The following ZNF438 variants were observed in gnomAD, a reference collection of about 807,000 sequenced individuals.
ZNF438 encodes zinc finger protein 438.
A neutral mutation model predicts 38.0 loss-of-function variants in ZNF438; 25 were observed. The ratio of observed to expected loss-of-function variants is 0.66; its 90% CI spans 0.48 to 0.92. The LOEUF (loss-of-function observed/expected upper bound fraction) is 0.92, where lower values mean the gene tolerates loss of function less well. Among genes scored for constraint, ZNF438 ranks in the 40% least tolerant of loss-of-function variants. The pLI is 0.00. For synonymous variants in ZNF438, 372 were observed against 364.1 expected (o/e 1.02, Z -0.25); for missense variants, 1,007 against 999.6 (o/e 1.01, Z -0.10).
Position 30,966,486 on chromosome 10 carries a change from C to T in ZNF438, c.-191-24835G>A, listed in dbSNP as rs534536468. 1.7e-4 allele frequency among the ~76,000 whole-genome samples: 26 copies of T among 151,918 alleles called. No homozygotes were observed. In the South Asian group the frequency reaches 2.5e-3, roughly 15 times the overall value. ...GGGCTCAAGACCATCCTGGCTAACA[C>T]GGTGAAACCCTGTCTCCACTAAAAA... On this transcript the variant is annotated intron_variant, in intron 1 of 5. Transcript: ENST00000413025.
chr10:30,990,866 T>C (rs2053414527), intron 1 of ZNF438, among the ~76,000 whole-genome samples: 1 of 152,026 alleles, frequency 6.6e-6, no homozygotes, highest in Non-Finnish European at 1.5e-5. Flanking sequence ...ATATATCTTT[T>C]TTTTTTTAAT....
At chr10:30,862,049 T>C (rs2035670107) in intron 4 of ZNF438, among the ~76,000 whole-genome samples, 1 of 152,200 alleles carries the variant, frequency 6.6e-6, no homozygotes, top group Admixed American at 6.5e-5. Flanking sequence ...AGTCCTACAG[T>C]TGAAATTTGG....
In ZNF438 at chr10:30,948,905, C is replaced by A. The variant is rs371580202; in HGVS notation, c.-191-7254G>T. Among the ~76,000 whole-genome samples the A allele has an allele frequency of 2.6e-4, 40 of 151,970 alleles. 1 individual carries two copies. The East Asian group carries it at 6.4e-3, about 24-fold the overall frequency. ...GATTCAGGAAATACAGAGAACGCCA[C>A]AAAGATACTCCTCAAGAAGAGCAAC... On this transcript the variant is annotated intron_variant, in intron 1 of 5. Transcript: ENST00000413025.
At chr10:30,954,316 G>T (rs2048618929) in intron 1 of ZNF438, among the ~76,000 whole-genome samples, 1 of 152,070 alleles carries the variant, frequency 6.6e-6, no homozygotes, top group Admixed American at 6.6e-5. Flanking sequence ...AAAGAACCAG[G>T]ACTTGATCTT....
At position 30,849,169 on chromosome 10, in the gene ZNF438, T is replaced by C. The variant is rs752550370; in HGVS notation, c.1236A>G (p.Lys412=). The C allele has an allele frequency of 9.9e-6, 16 of 1,613,806 alleles. No individual in the cohort carries two copies. The East Asian group carries it at 3.1e-4, about 31-fold the overall frequency. Reference sequence around the variant, plus strand: ...CTTGGGGATCATTTTTTACTCTTTCTTTACCATCTCTACACTTATTAATGA... The same window carrying C: ...CTTGGGGATCATTTTTTACTCTTTCCTTACCATCTCTACACTTATTAATGA... The change falls in exon 5 of 6, where the codon AAA becomes AAG. Residue 412 remains lysine (K), a synonymous_variant. Coordinates refer to ENST00000413025, the Ensembl canonical transcript of ZNF438.
chr10:30,864,792 G>A (rs770848500), intron 4 of ZNF438, among the ~76,000 whole-genome samples: 7 of 152,194 alleles, frequency 4.6e-5, no homozygotes, highest in East Asian at 3.9e-4. Flanking sequence ...CATATACACC[G>A]CCTCTACTCA....
At chr10:30,968,434 CTTTTT>C (rs546132410) in intron 1 of ZNF438, among the ~76,000 whole-genome samples, 1 of 103,616 alleles carries the variant, frequency 9.7e-6, no homozygotes, top group African/African-American at 4.0e-5. Flanking sequence ...TGAATGTAAA[CTTTTT>C]TTTTTTTTTT....
chr10:30,864,363 T>C (rs1174946972), intron 4 of ZNF438, among the ~76,000 whole-genome samples: 1 of 152,182 alleles, frequency 6.6e-6, no homozygotes, highest in South Asian at 2.1e-4. Context: ...TCGGGGATAC[T>C]GCACCATTGG....
At chr10:30,847,744 T>C (rs2032574809) in intron 5 of ZNF438, among the ~76,000 whole-genome samples, 1 of 152,212 alleles carries the variant, frequency 6.6e-6, no homozygotes, top group African/African-American at 2.4e-5. Context: ...GCTTGTGATG[T>C]GCCTGGTCCA....
intron 2 of ZNF438, among the ~76,000 whole-genome samples, chr10:30,940,551 A>G (rs182143666): frequency 6.6e-6 from 1 of 152,328 alleles, no homozygotes; most frequent in East Asian, 1.9e-4. Context: ...AGAGAATAGG[A>G]AAAGCCCAGT....
chr10:30,988,945 G>A (rs1589603250), intron 1 of ZNF438, among the ~76,000 whole-genome samples: 1 of 152,226 alleles, frequency 6.6e-6, no homozygotes, highest in East Asian at 1.9e-4. Flanking sequence ...TTTATAATTA[G>A]TTGACTTGAA....
In ZNF438 at chr10:30,865,251, C is replaced by T. The variant is rs755143960; in HGVS notation, c.37+11747G>A. On this transcript the variant is annotated intron_variant, in intron 4 of 5. Coordinates refer to ENST00000413025, the Ensembl canonical transcript of ZNF438. ...TTCTAAGAGACATCTACAGCATGGTCACTGGAGAGGTAGTTAATGAACTCA... is the reference window on the plus strand; with the variant it reads ...TTCTAAGAGACATCTACAGCATGGTTACTGGAGAGGTAGTTAATGAACTCA... Among the ~76,000 whole-genome samples the T allele has an allele frequency of 5.3e-5, 8 of 152,310 alleles. No homozygotes were observed. In the South Asian group the frequency reaches 6.2e-4, roughly 12 times the overall value.
intron 1 of ZNF438, among the ~76,000 whole-genome samples, chr10:30,978,223 C>G (rs377357940): frequency 3.9e-5 from 6 of 152,310 alleles, no homozygotes; most frequent in African/African-American, 1.4e-4. Context: ...TCCAATACAT[C>G]AAACTACAGA....
chr10:30,883,209 T>A (rs373609764), intron 3 of ZNF438, among the ~76,000 whole-genome samples: 1 of 152,138 alleles, frequency 6.6e-6, no homozygotes, highest in Non-Finnish European at 1.5e-5. Flanking sequence ...GGCAGAAAAA[T>A]GATAATACAA....
exon 5 of ZNF438, chr10:30,850,004 C>G: frequency 2.5e-6 from 4 of 1,614,050 alleles, no homozygotes; most frequent in Non-Finnish European, 3.4e-6. Flanking sequence ...GGGTTTCTTT[C>G]TTGATGCTTT....
chr10:30,897,836 A>C (rs1367359861), intron 3 of ZNF438, among the ~76,000 whole-genome samples: 1 of 152,278 alleles, frequency 6.6e-6, no homozygotes, highest in South Asian at 2.1e-4. Flanking sequence ...GTTGCTCCTG[A>C]AACAGTTACT....
chr10:30,965,561 T>C (rs371421193), intron 1 of ZNF438, among the ~76,000 whole-genome samples: 2 of 152,286 alleles, frequency 1.3e-5, no homozygotes, highest in East Asian at 3.9e-4. Flanking sequence ...ATATACATCA[T>C]GGAATACTAT....
At chr10:30,978,522 G>C (rs950281912) in intron 1 of ZNF438, among the ~76,000 whole-genome samples, 2 of 151,964 alleles carry the variant, frequency 1.3e-5, no homozygotes, top group South Asian at 4.1e-4. Context: ...AGTGGGTTTG[G>C]ACAAATTTAT....
At chr10:30,932,926 G>T (rs9416941) in intron 2 of ZNF438, among the ~76,000 whole-genome samples, 19,297 of 152,234 alleles carry the variant, frequency 0.13, 1,613 homozygotes, top group Middle Eastern at 0.24. Context: ...GGCAAGGAAT[G>T]CCTGGGGCTA....
Sources: allele counts gnomAD v4.1 joint callset (sites outside exome capture counted in the v4.1 genomes callset), GRCh38; gene constraint gnomAD v4.1.1; transcripts MANE v1.5; gene names NCBI Gene and HGNC (gene_info 2026-07-23, HGNC 2026-07-21).